Variants in EFCAB6 observed in about 807,000 individuals in gnomAD.
EFCAB6 encodes the protein EF-hand calcium-binding domain-containing protein 6.
Under a neutral mutation model 169.8 loss-of-function variants are expected in EFCAB6, and 156 were observed. The observed-to-expected ratio is 0.92, with a 90% CI of 0.81 to 1.05. The LOEUF is 1.05. EFCAB6 is among the 50% of genes least tolerant of loss of function. The pLI is 0.00. For synonymous variants in EFCAB6, 698 were observed against 676.4 expected (o/e 1.03, Z -0.50); for missense variants, 1,800 against 1,829.1 (o/e 0.98, Z 0.29).
At chr22:43,549,031 C>A (rs1038519411) in intron 27 of EFCAB6, among the ~76,000 whole-genome samples, 5 of 152,074 alleles carry the variant, frequency 3.3e-5, no homozygotes, top group African/African-American at 1.2e-4. Flanking sequence ...TTTTATGGAT[C>A]ACAGAAGGAA....
In EFCAB6 at chr22:43,731,763, G is replaced by T; in HGVS notation, c.693C>A (p.Asn231Lys). The T allele has an allele frequency of 1.9e-6, 3 of 1,603,068 alleles. No individual in the cohort carries two copies. Among genetic ancestry groups the T allele is most frequent in the Non-Finnish European group, 1.7e-6 (2 of 1,176,330 alleles). ...TTATGCTGAGATTCTTCAAAAACAC[G>T]TTGTAATCTACTGCAGTATCCTTGT... is the stretch of plus-strand genomic sequence containing the variant. ...NIHKDTAVDY[N>K]VFLKNLSINN... Residue 231 changes from asparagine to lysine, a missense_variant, in exon 8 of 32, where the codon AAC becomes AAA. Asn to Lys is a moderately conservative substitution (Grantham distance 94, BLOSUM62 0). Coordinates refer to ENST00000262726, the MANE Select transcript of EFCAB6 (RefSeq NM_022785.4).
intron 17 of EFCAB6, among the ~76,000 whole-genome samples, chr22:43,643,893 G>A (rs904612315): frequency 4.0e-5 from 6 of 151,380 alleles, no homozygotes; most frequent in East Asian, 1.9e-4. Context: ...GCGTGATCTC[G>A]GCTCACTGCA....
Position 43,537,285 on chromosome 22 carries a change from T to C in EFCAB6, c.4048+92A>G. On this transcript the variant is annotated intron_variant, in intron 29 of 31. Transcript: ENST00000262726. This position sits in a 1 kb window ranked among gnomAD's most constrained non-coding sequence, Gnocchi z 4.3. ...TTTCCTGTTCTGCTGCTCCCTGGCCTCCACCCGGGGTGTGGCTTTGTACCC... is the reference window on the plus strand; with the variant it reads ...TTTCCTGTTCTGCTGCTCCCTGGCCCCCACCCGGGGTGTGGCTTTGTACCC... 6.7e-7 allele frequency: 1 copy of C among 1,488,022 alleles called. No homozygotes were observed. The highest frequency in any genetic ancestry group is 9.1e-7 in the Non-Finnish European group (1 of 1,098,734). The allele number at this position is 1,488,022 out of a possible 1,614,324, so 92.2% of individuals were successfully genotyped here.
At chr22:43,702,506 C>A (rs980739691) in intron 10 of EFCAB6, among the ~76,000 whole-genome samples, 5 of 152,222 alleles carry the variant, frequency 3.3e-5, no homozygotes, top group Admixed American at 2.0e-4. Flanking sequence ...AAGTACCACA[C>A]AGAAAGTGTT....
chr22:43,693,704 C>T (rs2058483125), intron 10 of EFCAB6, among the ~76,000 whole-genome samples: 1 of 151,692 alleles, frequency 6.6e-6, no homozygotes, highest in Admixed American at 6.6e-5. Context: ...CTGAAATTCT[C>T]TGTACTGTCT....
intron 5 of EFCAB6, chr22:43,759,294 A>G (rs965246452): frequency 6.6e-6 from 1 of 152,210 alleles, no homozygotes; most frequent in African/African-American, 2.4e-5. Flanking sequence ...TTTAGCTTCA[A>G]CAGAATTCTC....
intron 24 of EFCAB6, among the ~76,000 whole-genome samples, chr22:43,584,144 T>A (rs1160785362): frequency 1.3e-5 from 2 of 152,164 alleles, no homozygotes; most frequent in African/African-American, 4.8e-5. Flanking sequence ...TTTAACTACC[T>A]ATCCAAAGGA....
chr22:43,652,212 G>A (rs1328580382), intron 17 of EFCAB6, among the ~76,000 whole-genome samples: 1 of 152,142 alleles, frequency 6.6e-6, no homozygotes, highest in Non-Finnish European at 1.5e-5. Context: ...TGAATCATGG[G>A]GGCAAGTCTT....
At chr22:43,567,434 T>C (rs1397100014) in intron 26 of EFCAB6, among the ~76,000 whole-genome samples, 1 of 152,186 alleles carries the variant, frequency 6.6e-6, no homozygotes, top group Non-Finnish European at 1.5e-5. Context: ...TACTGAACAT[T>C]AAACATGCAC....
chr22:43,640,051 T>C (rs1360165163), intron 17 of EFCAB6, among the ~76,000 whole-genome samples: 1 of 152,180 alleles, frequency 6.6e-6, no homozygotes, highest in African/African-American at 2.4e-5. Context: ...TATGAGTATA[T>C]TTTCCTTTGT....
At chr22:43,635,543 G>A (rs547427971) in intron 17 of EFCAB6, among the ~76,000 whole-genome samples, 2 of 152,296 alleles carry the variant, frequency 1.3e-5, no homozygotes, top group East Asian at 1.9e-4. Flanking sequence ...CATGGCTTTA[G>A]AGTCTCATAC....
chr22:43,642,088 T>A (rs1224524117), intron 17 of EFCAB6, among the ~76,000 whole-genome samples: 1 of 152,080 alleles, frequency 6.6e-6, no homozygotes, highest in Non-Finnish European at 1.5e-5. Flanking sequence ...ATTACAGGCA[T>A]GCGACACCAC....
At chr22:43,650,245 C>G (rs2056400755) in intron 17 of EFCAB6, among the ~76,000 whole-genome samples, 1 of 152,272 alleles carries the variant, frequency 6.6e-6, no homozygotes, top group South Asian at 2.1e-4. Flanking sequence ...TTTTGGGAGG[C>G]ACCTGGTGGG....
intron 12 of EFCAB6, 96 bp from the exon 13 acceptor site, chr22:43,678,259 G>A (rs532823386): frequency 1.6e-6 from 2 of 1,258,556 alleles, no homozygotes; most frequent in South Asian, 3.0e-5. Context: ...TAAAGAGCGA[G>A]CTTTGGCCAA....
At chr22:43,551,355 T>C (rs1441456840) in intron 27 of EFCAB6, among the ~76,000 whole-genome samples, 1 of 152,198 alleles carries the variant, frequency 6.6e-6, no homozygotes, top group Non-Finnish European at 1.5e-5. Context: ...CATCCCCCAA[T>C]GTATTACACT....
chr22:43,538,599 G>C (rs2047522385), intron 28 of EFCAB6, among the ~76,000 whole-genome samples: 1 of 152,164 alleles, frequency 6.6e-6, no homozygotes, highest in African/African-American at 2.4e-5. Flanking sequence ...ATGTTGGCCA[G>C]GATGGTATCG....
At chr22:43,728,111 T>C (rs1047196809) in intron 8 of EFCAB6, among the ~76,000 whole-genome samples, 1 of 152,056 alleles carries the variant, frequency 6.6e-6, no homozygotes, top group Non-Finnish European at 1.5e-5. Context: ...CCCCTCCCTA[T>C]GTCCATGTGT....
intron 26 of EFCAB6, among the ~76,000 whole-genome samples, chr22:43,567,260 A>G (rs1373635571): frequency 6.6e-6 from 1 of 152,196 alleles, no homozygotes; most frequent in African/African-American, 2.4e-5. Flanking sequence ...CAAATCCTCC[A>G]GTAGCATGGA....
chr22:43,716,609 GAGTT>G (rs1424616335), intron 9 of EFCAB6: 5 of 411,524 alleles, frequency 1.2e-5, no homozygotes, highest in Non-Finnish European at 2.1e-5. Context: ...TGTCTTATTA[GAGTT>G]AGTATGTGAG....
Sources: allele counts gnomAD v4.1 joint callset (sites outside exome capture counted in the v4.1 genomes callset), GRCh38; gene constraint gnomAD v4.1.1; non-coding constraint Gnocchi (gnomAD v3.1); transcripts MANE v1.5; gene names NCBI Gene and HGNC (gene_info 2026-07-23, HGNC 2026-07-21).